The following TRPV5 variants were observed in gnomAD, a reference collection of about 807,000 sequenced individuals.
TRPV5 encodes the protein calcium transport protein 2.
In TRPV5, 66 loss-of-function variants were observed where a neutral mutation model predicts 74.1. The observed-to-expected ratio is 0.89, with a 90% CI of 0.73 to 1.09. The LOEUF is 1.09. Ranked by LOEUF, TRPV5 falls within the 50% of genes least tolerant of loss-of-function variation. The pLI is 0.00. For missense variants in TRPV5, 936 were observed against 930.4 expected, an observed-to-expected ratio of 1.01 and a Z score of -0.08; for synonymous variants, 399 against 360.7, an observed-to-expected ratio of 1.11 and a Z score of -1.20.
chr7:142,909,643 G>A (rs1795674441), intron 13 of TRPV5, 47 bp from the exon 14 acceptor site: 2 of 1,590,090 alleles, frequency 1.3e-6, no homozygotes, highest in South Asian at 1.1e-5. Context: ...AGAGCCATGA[G>A]GTTCAAAGAG....
At position 142,927,318 on chromosome 7, in the gene TRPV5, A is replaced by G. The variant is rs1027336273; in HGVS notation, c.909+770T>C. On this transcript the variant is annotated intron_variant, in intron 7 of 14. Coordinates refer to ENST00000265310, the MANE Select transcript of TRPV5 (RefSeq NM_019841.7). ...CAGGACAGGGACTGAGAATTGAGGA[A>G]GTTGATGAACAGGAACTGTGTTGTA... Among the ~76,000 whole-genome samples, 5 of 152,200 alleles carry G rather than the reference A, an allele frequency of 3.3e-5. No individual in the cohort carries two copies. The East Asian group carries it at 7.7e-4, about 23-fold the overall frequency.
Position 142,933,381 on chromosome 7 carries a change from G to T in TRPV5, c.79C>A (p.Gln27Lys). Residue 27 changes from glutamine to lysine, a missense_variant, in exon 1 of 15, where the codon CAA (glutamine) becomes AAA (lysine). Transcript: ENST00000265310. Reference sequence around the variant, plus strand: ...TTGTCCAGGTGCTGGTCCCAGTCTTGTTCTCTGACCAGAAAGGAGGGCAGA... The same window carrying T: ...TTGTCCAGGTGCTGGTCCCAGTCTTTTTCTCTGACCAGAAAGGAGGGCAGA... Reference protein sequence around the residue: ...KLLPSFLVREQDWDQHLDKLH... With the variant: ...KLLPSFLVREKDWDQHLDKLH... 1 of 1,614,174 alleles carries T rather than the reference G, an allele frequency of 6.2e-7. No individual in the cohort carries two copies. The highest frequency in any genetic ancestry group is 1.7e-4 in the Middle Eastern group (1 of 6,034).
intron 8 of TRPV5, among the ~76,000 whole-genome samples, chr7:142,924,389 TATACATATACATGTATATATATA>T (rs1795948851): frequency 8.0e-6 from 1 of 124,516 alleles, no homozygotes; most frequent in Non-Finnish European, 1.6e-5. Context: ...TATATATATA[TATACATATACATGTATATATATA>T]AAGGCAATTC....
intron 8 of TRPV5, among the ~76,000 whole-genome samples, chr7:142,924,337 CAT>C (rs1158518744): frequency 0.11 from 1,123 of 10,446 alleles, 201 homozygotes; most frequent in Middle Eastern, 0.25. Flanking sequence ...TATATATATA[CAT>C]ATATATATAT....
At chr7:142,932,624 C>G (rs1380681704) in intron 1 of TRPV5, among the ~76,000 whole-genome samples, 3 of 152,096 alleles carry the variant, frequency 2.0e-5, no homozygotes, top group Admixed American at 6.5e-5. Context: ...GAAGAAGCAG[C>G]CCACAGGATT....
chr7:142,913,013 C>G (rs909394315), intron 12 of TRPV5, among the ~76,000 whole-genome samples: 1 of 152,114 alleles, frequency 6.6e-6, no homozygotes, highest in Non-Finnish European at 1.5e-5. Context: ...AGTCATTTAA[C>G]AACAACAAAA....
chr7:142,920,426 A>C (rs1461451433), intron 8 of TRPV5, among the ~76,000 whole-genome samples: 1 of 152,162 alleles, frequency 6.6e-6, no homozygotes, highest in Non-Finnish European at 1.5e-5. Flanking sequence ...TGGGGGTATG[A>C]ATCTTTCTAT....
In TRPV5 at chr7:142,930,283, G is replaced by A. The variant is rs878898604; in HGVS notation, c.226+66C>T. The A allele has an allele frequency of 1.1e-5, 18 of 1,609,634 alleles. No homozygotes were observed. In the African/African-American group the frequency reaches 1.3e-4, roughly 12 times the overall value. On this transcript the variant is annotated intron_variant, in intron 2 of 14. Transcript: ENST00000265310. ...CTCCAAGGCCCTATTTCACAAACTC[G>A]AAGTCTTGGGGAGGAGGAGTAGGTT...
At chr7:142,930,004 A>T in intron 3 of TRPV5, 54 bp downstream of exon 3, 1 of 1,612,722 alleles carries the variant, frequency 6.2e-7, no homozygotes, top group Non-Finnish European at 8.5e-7. Flanking sequence ...AAGAGACAAC[A>T]GCACACCCTC....
chr7:142,919,120 C>T (rs1006314683), intron 8 of TRPV5, among the ~76,000 whole-genome samples: 26 of 152,316 alleles, frequency 1.7e-4, no homozygotes, highest in African/African-American at 5.3e-4. Flanking sequence ...AACACTCCTC[C>T]TGGGCCTCCT....
At chr7:142,917,078 T>G (rs953499493) in intron 8 of TRPV5, among the ~76,000 whole-genome samples, 4 of 151,732 alleles carry the variant, frequency 2.6e-5, no homozygotes, top group Non-Finnish European at 4.4e-5. Flanking sequence ...GGTTTTTTTT[T>G]GTGCGTTTTT....
At position 142,921,433 on chromosome 7, in the gene TRPV5, C is replaced by T. The variant is rs185315785; in HGVS notation, c.1122+4096G>A. Among the ~76,000 whole-genome samples, 15 of 152,290 alleles carry T rather than the reference C, an allele frequency of 9.8e-5. No individual in the cohort carries two copies. The East Asian group carries it at 2.9e-3, about 29-fold the overall frequency. ...AATAGCTGGGATTACAGGTGCTCAC[C>T]ACCATGCCTGGCTAATTTTTTGTAT... On this transcript the variant is annotated intron_variant, in intron 8 of 14. Transcript: ENST00000265310.
chr7:142,933,206 G>T, intron 1 of TRPV5, 126 bp downstream of exon 1: 2 of 1,284,506 alleles, frequency 1.6e-6, no homozygotes, highest in Non-Finnish European at 1.1e-6. Flanking sequence ...GGAAGGAAAG[G>T]GTATGTCTGA....
intron 1 of TRPV5, among the ~76,000 whole-genome samples, chr7:142,931,890 C>T (rs914055334): frequency 2.6e-5 from 4 of 151,998 alleles, no homozygotes; most frequent in Non-Finnish European, 4.4e-5. Flanking sequence ...TTGGTAGAGA[C>T]GGGGTTTCAG....
chr7:142,933,303 A>T lies in TRPV5; in HGVS notation c.128+29T>A, dbSNP rs1004458966. 4 of 1,610,036 alleles carry T rather than the reference A, an allele frequency of 2.5e-6. No homozygotes were observed. In the African/African-American group the frequency reaches 5.3e-5, roughly 22 times the overall value. Reference sequence around the variant, plus strand: ...CAGAGGGTCTGAGGATCACGGCGGTAGGGCCACGGATCGTTCTAGGAAGCC... The same window carrying T: ...CAGAGGGTCTGAGGATCACGGCGGTTGGGCCACGGATCGTTCTAGGAAGCC... On this transcript the variant is annotated intron_variant, in intron 1 of 14. Coordinates refer to ENST00000265310, the MANE Select transcript of TRPV5 (RefSeq NM_019841.7).
Position 142,908,537 on chromosome 7 carries a change from C to T in TRPV5, c.2167G>A (p.Gly723Arg), listed in dbSNP as rs147177496. 4 of 1,614,188 alleles carry T rather than the reference C, an allele frequency of 2.5e-6. No homozygotes were observed. The highest frequency in any genetic ancestry group is 2.2e-5 in the East Asian group (1 of 44,878). ...NLGLNLSEGD[G>R]EEVYHF ...AATCAAAAATGGTAGACCTCCTCTC[C>T]ATCCCCCTCACTAAGGTTCAGTCCA... Residue 723 changes from glycine (G) to arginine (R), a missense_variant, in exon 15 of 15, where the codon GGA (glycine) becomes AGA (arginine). By Grantham distance (125) the Gly-to-Arg change is moderately radical. Transcript: ENST00000265310.
chr7:142,929,107 C>T lies in TRPV5; in HGVS notation c.501G>A (p.Leu167=), dbSNP rs1265651716. The change falls in exon 5 of 15, where the codon TTG becomes TTA. Residue 167 remains leucine (L), a synonymous_variant. Transcript: ENST00000265310. The stretch of plus-strand genomic sequence containing the variant: ...CGCTGTTCACACAGGCAGCAAAGGA[C>T]AAAGGGTGCTCCCCTGTGGACACAG... ...RNLIYFGEHP[L]SFAACVNSEE... The T allele has an allele frequency of 1.2e-6, 2 of 1,614,052 alleles. No homozygotes were observed. Among genetic ancestry groups the T allele is most frequent in the Non-Finnish European group, 1.7e-6 (2 of 1,179,974 alleles).
chr7:142,929,922 C>T (rs2116608396), intron 3 of TRPV5, 136 bp downstream of exon 3: 1 of 1,390,890 alleles, frequency 7.2e-7, no homozygotes, highest in South Asian at 1.2e-5. Context: ...TTGCATTTCT[C>T]CCAACTCAAC....
rs1336258831 is a variant in TRPV5, at chr7:142,928,111, C to T, written c.886G>A (p.Val296Met). 1.2e-6 allele frequency: 2 copies of T among 1,614,214 alleles called. No homozygotes were observed. The highest frequency in any genetic ancestry group is 4.5e-5 in the East Asian group (2 of 44,872). ...WGEELSFLEL[V>M]VSSDKREARQ... is the part of the protein sequence containing the mutation. ...ACCTCTCGTTTATCAGAGGAGACCACAAGCTCCAGGAAGGACAGCTCCTCT... is the reference window on the plus strand; with the variant it reads ...ACCTCTCGTTTATCAGAGGAGACCATAAGCTCCAGGAAGGACAGCTCCTCT... Residue 296 changes from valine to methionine, a missense_variant, in exon 7 of 15, where the codon GTG (valine) becomes ATG (methionine). Val to Met is a conservative substitution (Grantham distance 21, BLOSUM62 1). Coordinates refer to ENST00000265310, the MANE Select transcript of TRPV5 (RefSeq NM_019841.7).
Sources: allele counts gnomAD v4.1 joint callset (sites outside exome capture counted in the v4.1 genomes callset), GRCh38; gene constraint gnomAD v4.1.1; transcripts MANE v1.5; gene names NCBI Gene and HGNC (gene_info 2026-07-23, HGNC 2026-07-21).